Variants in CAMK2B observed in about 807,000 individuals in gnomAD.
The protein encoded by CAMK2B is calcium/calmodulin-dependent protein kinase type II subunit beta.
Under a neutral mutation model 93.7 loss-of-function variants are expected in CAMK2B, and 27 were observed. The ratio of observed to expected loss-of-function variants is 0.29; its 90% CI spans 0.21 to 0.40. The LOEUF (loss-of-function observed/expected upper bound fraction) is 0.40. Ranked by LOEUF, CAMK2B falls within the 10% of genes least tolerant of loss-of-function variation. The pLI, the probability that CAMK2B is intolerant of heterozygous loss-of-function variation, is 1.00. For synonymous variants in CAMK2B, 374 were observed against 358.8 expected, an observed-to-expected ratio of 1.04 and a Z score of -0.48; for missense variants, 568 against 895.8, an observed-to-expected ratio of 0.63 and a Z score of 4.67.
intron 1 of CAMK2B, among the ~76,000 whole-genome samples, chr7:44,303,693 T>C (rs960023626): frequency 6.6e-6 from 1 of 152,236 alleles, no homozygotes; most frequent in South Asian, 2.1e-4. Context: ...GGTTTGGTGA[T>C]GATTTCTTAG....
At chr7:44,253,455 C>T (rs572204667) in intron 5 of CAMK2B, among the ~76,000 whole-genome samples, 5 of 152,288 alleles carry the variant, frequency 3.3e-5, no homozygotes, top group Non-Finnish European at 4.4e-5. Context: ...TCAGGTGATC[C>T]GCCCACCTCG....
In CAMK2B at chr7:44,312,280, G is replaced by A. The variant is rs959303527; in HGVS notation, c.65+13077C>T. ...CACACTGGGGGAAATAGTTCAGCCA[G>A]GTGTCAGTGGCGAGAGGGTGGTGGT... On this transcript the variant is annotated intron_variant, in intron 1 of 23. Coordinates refer to ENST00000395749, the MANE Select transcript of CAMK2B (RefSeq NM_001220.5). This position sits in a 1 kb window ranked among gnomAD's most constrained non-coding sequence, Gnocchi z 4.1. Among the ~76,000 whole-genome samples the A allele has an allele frequency of 2.0e-5, 3 of 152,228 alleles. No homozygotes were observed.
At chr7:44,247,293 AG>A (rs2096740925) in intron 5 of CAMK2B, 101 bp from the exon 6 acceptor site, 2 of 944,494 alleles carry the variant, frequency 2.1e-6, no homozygotes, top group Non-Finnish European at 3.4e-6. Context: ...TGGGGGGACC[AG>A]GGGGACAAAG....
At chr7:44,276,264 C>A (rs1390528724) in intron 2 of CAMK2B, among the ~76,000 whole-genome samples, 1 of 152,050 alleles carries the variant, frequency 6.6e-6, no homozygotes, top group Non-Finnish European at 1.5e-5. Context: ...CTCAGCTGTC[C>A]CTGCAATGCG....
At chr7:44,267,587 G>T (rs2096931568) in intron 2 of CAMK2B, among the ~76,000 whole-genome samples, 1 of 152,162 alleles carries the variant, frequency 6.6e-6, no homozygotes, top group South Asian at 2.1e-4. Context: ...CCCATTCAGT[G>T]TGGATGCAAT....
intron 1 of CAMK2B, among the ~76,000 whole-genome samples, chr7:44,316,188 G>A (rs1038832156): frequency 6.6e-6 from 1 of 152,082 alleles, no homozygotes; most frequent in African/African-American, 2.4e-5. Context: ...ATCAAGTTAA[G>A]GAAGTTCCTT....
chr7:44,286,972 CA>C lies in CAMK2B; in HGVS notation c.66-2748del, dbSNP rs989827811. ...AGGAAGGGACCAGGGGTGCAGGGAC[CA>C]GGGGTGCAGGGCCCGGGGGTGAAGA... On this transcript the variant is annotated intron_variant, in intron 1 of 23. Coordinates refer to ENST00000395749, the MANE Select transcript of CAMK2B (RefSeq NM_001220.5). The surrounding 1 kb of genome is among the most constrained non-coding windows in gnomAD (Gnocchi z 4.0). Among the ~76,000 whole-genome samples the C allele has an allele frequency of 7.2e-5, 11 of 152,256 alleles. No homozygotes were observed. The highest frequency in any genetic ancestry group is 2.6e-4 in the Admixed American group (4 of 15,302).
intron 1 of CAMK2B, among the ~76,000 whole-genome samples, chr7:44,301,266 T>G (rs1789936935): frequency 6.6e-6 from 1 of 152,164 alleles, no homozygotes; most frequent in South Asian, 2.1e-4. Flanking sequence ...TAGAAAAGAC[T>G]ACAGGCATGC....
At chr7:44,226,032 C>A in intron 20 of CAMK2B, 1 of 662,360 alleles carries the variant, frequency 1.5e-6, no homozygotes, top group Non-Finnish European at 2.2e-6. Context: ...CCCCCCAGAT[C>A]CGCGCCTCCC....
chr7:44,297,429 G>C (rs1788601226), intron 1 of CAMK2B, among the ~76,000 whole-genome samples: 1 of 152,014 alleles, frequency 6.6e-6, no homozygotes, highest in Admixed American at 6.6e-5. Flanking sequence ...GACAGAAAAA[G>C]AAACAAAGAA....
At chr7:44,310,114 C>T (rs1793137618) in intron 1 of CAMK2B, among the ~76,000 whole-genome samples, 1 of 152,266 alleles carries the variant, frequency 6.6e-6, no homozygotes, top group Non-Finnish European at 1.5e-5. Context: ...ACGCTTTGTG[C>T]CCGCTTGCTG....
At chr7:44,228,988 G>C in intron 18 of CAMK2B, 64 bp from the exon 19 acceptor site, 2 of 1,534,394 alleles carry the variant, frequency 1.3e-6, no homozygotes, top group Non-Finnish European at 1.8e-6. Flanking sequence ...CGGCAAGGCG[G>C]AGGAGGCCAG....
chr7:44,283,708 A>C (rs1784334579), intron 2 of CAMK2B, among the ~76,000 whole-genome samples: 1 of 152,330 alleles, frequency 6.6e-6, no homozygotes, highest in Middle Eastern at 3.4e-3. Context: ...CATCTGGCCC[A>C]CGGCTCTCAG....
intron 1 of CAMK2B, among the ~76,000 whole-genome samples, chr7:44,293,587 T>C (rs1403900060): frequency 3.9e-5 from 6 of 152,132 alleles, no homozygotes; most frequent in South Asian, 2.1e-4. Flanking sequence ...TAGGGGAAAA[T>C]AGTTTGAACA....
At position 44,318,831 on chromosome 7, in the gene CAMK2B, ATAACT is replaced by A. The variant is rs376291470; in HGVS notation, c.65+6521_65+6525del. On this transcript the variant is annotated intron_variant, in intron 1 of 23. Coordinates refer to ENST00000395749, the MANE Select transcript of CAMK2B (RefSeq NM_001220.5). ...CTTCTGTCTGGCTTAACAAAGAATCATAACTTAAGTTATTTTTGGATAATTATGTC... is the reference window on the plus strand; with the variant it reads ...CTTCTGTCTGGCTTAACAAAGAATCATAAGTTATTTTTGGATAATTATGTC... Among the ~76,000 whole-genome samples, 84 of 152,358 alleles carry A rather than the reference ATAACT, an allele frequency of 5.5e-4. 3 individuals are homozygous for A. In the East Asian group the frequency reaches 0.013, roughly 24 times the overall value.
chr7:44,306,316 T>A (rs1791497536), intron 1 of CAMK2B, among the ~76,000 whole-genome samples: 3 of 152,158 alleles, frequency 2.0e-5, no homozygotes, highest in South Asian at 2.1e-4. Context: ...TCATTCTGTA[T>A]CAGCATCCAT....
chr7:44,259,853 C>T (rs569049622), intron 3 of CAMK2B, among the ~76,000 whole-genome samples: 4 of 152,318 alleles, frequency 2.6e-5, no homozygotes, highest in East Asian at 1.9e-4. Flanking sequence ...ACAGCCAACA[C>T]GCTAGGGCTG....
At chr7:44,232,355 G>T (rs1184311408) in intron 16 of CAMK2B, among the ~76,000 whole-genome samples, 1 of 152,220 alleles carries the variant, frequency 6.6e-6, no homozygotes, top group Non-Finnish European at 1.5e-5. Flanking sequence ...CCTGGCCCCA[G>T]AGTGATGATG....
chr7:44,314,504 A>G (rs1354308701), intron 1 of CAMK2B, among the ~76,000 whole-genome samples: 2 of 152,220 alleles, frequency 1.3e-5, no homozygotes, highest in Non-Finnish European at 2.9e-5. Flanking sequence ...CTGTATGACT[A>G]TAACACATTT....
Sources: allele counts gnomAD v4.1 joint callset (sites outside exome capture counted in the v4.1 genomes callset), GRCh38; gene constraint gnomAD v4.1.1; non-coding constraint Gnocchi (gnomAD v3.1); transcripts MANE v1.5; gene names NCBI Gene and HGNC (gene_info 2026-07-23, HGNC 2026-07-21).